Variants in TMEM74 observed in about 807,000 individuals in gnomAD.
TMEM74 encodes transmembrane protein 74.
TMEM74 carries 13 observed loss-of-function variants against 18.1 expected under a neutral mutation model. That is an observed-to-expected ratio of 0.72 (90% CI 0.47 to 1.14). TMEM74 has a LOEUF of 1.14. Ranked by LOEUF, TMEM74 falls within the 50% of genes most tolerant of loss-of-function variation. TMEM74 has a pLI of 0.00. For synonymous variants in TMEM74, 159 were observed against 146.6 expected (o/e 1.08, Z -0.61); for missense variants, 372 against 375.9 (o/e 0.99, Z 0.09).
intron 1 of TMEM74, among the ~76,000 whole-genome samples, chr8:108,772,150 C>T (rs763829802): frequency 6.6e-6 from 1 of 151,586 alleles, no homozygotes; most frequent in South Asian, 2.1e-4. Context: ...TAAGACATAC[C>T]TTAGCATTTG....
At chr8:108,613,968 G>A (rs995273981) in intron 2 of TMEM74, among the ~76,000 whole-genome samples, 22 of 151,158 alleles carry the variant, frequency 1.5e-4, no homozygotes, top group African/African-American at 4.4e-4. Flanking sequence ...TGTATGTGGA[G>A]CATTTAGGAA....
chr8:108,654,920 C>T (rs931748607), intron 2 of TMEM74, among the ~76,000 whole-genome samples: 1 of 152,056 alleles, frequency 6.6e-6, no homozygotes, highest in Non-Finnish European at 1.5e-5. Context: ...ACAGGAACCA[C>T]AGAAATTAGT....
chr8:108,757,067 G>C (rs1813983764), intron 1 of TMEM74, among the ~76,000 whole-genome samples: 1 of 152,058 alleles, frequency 6.6e-6, no homozygotes, highest in Admixed American at 6.6e-5. Flanking sequence ...TCAGGAGCTA[G>C]GGGACTATAC....
intron 1 of TMEM74, among the ~76,000 whole-genome samples, chr8:108,680,293 C>T (rs1047059322): frequency 6.6e-6 from 1 of 152,150 alleles, no homozygotes; most frequent in African/African-American, 2.4e-5. Flanking sequence ...CCGAATCCAG[C>T]AGCACATCAA....
At chr8:108,704,250 GT>G (rs1270636197) in intron 1 of TMEM74, among the ~76,000 whole-genome samples, 1 of 152,116 alleles carries the variant, frequency 6.6e-6, no homozygotes, top group Non-Finnish European at 1.5e-5. Flanking sequence ...TGGGGACAGG[GT>G]TATAGATATT....
chr8:108,787,378 G>GGA (rs1282678082), intron 1 of TMEM74, 98 bp downstream of exon 1: 1 of 152,260 alleles, frequency 6.6e-6, no homozygotes, highest in Admixed American at 6.5e-5. Context: ...CGGAGACGAA[G>GGA]GAGAGAGAGC....
intron 1 of TMEM74, among the ~76,000 whole-genome samples, chr8:108,721,743 C>T (rs945437739): frequency 3.3e-5 from 5 of 152,136 alleles, no homozygotes; most frequent in Non-Finnish European, 1.5e-5. Flanking sequence ...TCTTGTTCAC[C>T]GCTGTATCCC....
intron 2 of TMEM74, among the ~76,000 whole-genome samples, chr8:108,654,603 G>T (rs974939912): frequency 6.6e-6 from 1 of 152,134 alleles, no homozygotes; most frequent in Non-Finnish European, 1.5e-5. Context: ...GAAGACCAGG[G>T]TTGAAGCTGA....
chr8:108,679,550 T>G (rs1410039835), intron 1 of TMEM74, among the ~76,000 whole-genome samples: 1 of 152,242 alleles, frequency 6.6e-6, no homozygotes, highest in Non-Finnish European at 1.5e-5. Context: ...TGTCTTCTTT[T>G]GAGAAGTGTC....
chr8:108,729,912 G>C (rs1046483098), intron 1 of TMEM74, among the ~76,000 whole-genome samples: 3 of 152,134 alleles, frequency 2.0e-5, no homozygotes, highest in African/African-American at 7.2e-5. Context: ...GAACATTAGT[G>C]GACAAATAAG....
intron 2 of TMEM74, among the ~76,000 whole-genome samples, chr8:108,649,919 T>A (rs374630444): frequency 1.3e-5 from 2 of 152,166 alleles, no homozygotes; most frequent in Admixed American, 6.6e-5. Flanking sequence ...TCGGCTTTCA[T>A]AGACAAAATA....
In TMEM74 at chr8:108,784,457, C is replaced by T; in HGVS notation, c.642G>A (p.Met214Ile). Residue 214 changes from methionine to isoleucine, a missense_variant, in exon 2 of 2, where the codon ATG becomes ATA. Physicochemically the swap from Met to Ile is conservative, Grantham distance 10. Coordinates refer to ENST00000297459, the MANE Select transcript of TMEM74 (RefSeq NM_153015.3). ...TCGCACTCTCCTTCTCCAGGCGCTC[C>T]ATCTCCCGGGCTGCCACAGTGTTGG... ...VDPNTVAAREMERLEKESARL... is the reference protein window; with the variant it reads ...VDPNTVAAREIERLEKESARL... 1.2e-6 allele frequency: 2 copies of T among 1,614,188 alleles called. No homozygotes were observed. The highest frequency in any genetic ancestry group is 1.7e-6 in the Non-Finnish European group (2 of 1,180,042).
At chr8:108,706,781 G>GTGTGTGTGTGTGTGTA (rs2130619806) in intron 1 of TMEM74, among the ~76,000 whole-genome samples, 1 of 149,578 alleles carries the variant, frequency 6.7e-6, no homozygotes, top group Non-Finnish European at 1.5e-5. Flanking sequence ...CAAGGGGTGT[G>GTGTGTGTGTGTGTGTA]TGTGTGTGTG....
At chr8:108,619,141 A>G (rs140896233) in intron 2 of TMEM74, among the ~76,000 whole-genome samples, 101 of 152,344 alleles carry the variant, frequency 6.6e-4, no homozygotes, top group African/African-American at 2.3e-3. Context: ...GAGAGCTTAT[A>G]TAGTTATTAA....
rs1449236914 is a variant in TMEM74, at chr8:108,708,901, C to A, written n.120-53464G>T. ...CAGACATTTCTCCAAAGAAGGCAAA[C>A]AAATGGACCACAGGTATACTAAGGA... is the stretch of plus-strand genomic sequence containing the variant. On this transcript the variant is annotated intron_variant and non_coding_transcript_variant, in intron 1 of 3. Transcript: ENST00000518838. Among the ~76,000 whole-genome samples, 7 of 121,114 alleles carry A rather than the reference C, an allele frequency of 5.8e-5. No homozygotes were observed. In the East Asian group the frequency reaches 1.0e-3, roughly 18 times the overall value. 79.5% of individuals were successfully genotyped at this position (121,114 alleles called of 152,430 possible).
chr8:108,726,763 G>A (rs946188211), intron 1 of TMEM74, among the ~76,000 whole-genome samples: 1 of 152,006 alleles, frequency 6.6e-6, no homozygotes. Context: ...AAACGACCAT[G>A]TCCTTGTAGG....
chr8:108,754,473 T>C (rs1258366308), intron 1 of TMEM74, among the ~76,000 whole-genome samples: 3 of 152,006 alleles, frequency 2.0e-5, no homozygotes, highest in Non-Finnish European at 2.9e-5. Context: ...TAGCTTCTAG[T>C]CAATAAAATA....
At chr8:108,733,628 G>C (rs577275030) in intron 1 of TMEM74, among the ~76,000 whole-genome samples, 118 of 152,242 alleles carry the variant, frequency 7.8e-4, no homozygotes, top group African/African-American at 2.8e-3. Context: ...ATCTACTTTT[G>C]TAAAGAAGAC....
chr8:108,718,343 T>G (rs1035087565), intron 1 of TMEM74, among the ~76,000 whole-genome samples: 6 of 152,164 alleles, frequency 3.9e-5, no homozygotes, highest in Non-Finnish European at 8.8e-5. Flanking sequence ...ATGCAGTGTA[T>G]TAATATAGTA....
Sources: gnomAD v4.1 joint callset for allele counts (sites outside exome capture counted in the v4.1 genomes callset) on GRCh38, gnomAD v4.1.1 for gene constraint, MANE v1.5 for transcripts, NCBI Gene and HGNC (gene_info 2026-07-23, HGNC 2026-07-21) for gene names.